The following TIAM1 variants were observed in gnomAD, a reference collection of about 807,000 sequenced individuals.
TIAM1 encodes the protein TIAM Rac1 associated GEF 1, also known as rho guanine nucleotide exchange factor TIAM1.
Under a neutral mutation model 163.5 loss-of-function variants are expected in TIAM1, and 65 were observed. The observed-to-expected ratio is 0.40, with a 90% CI of 0.33 to 0.49. TIAM1 has a LOEUF of 0.49. TIAM1 is among the 20% of genes least tolerant of loss of function. TIAM1 has a pLI of 0.77. For missense variants in TIAM1, 1,789 were observed against 2,044.7 expected, an observed-to-expected ratio of 0.87 and a Z score of 2.41; for synonymous variants, 833 against 810.1, an observed-to-expected ratio of 1.03 and a Z score of -0.48.
Position 31,266,346 on chromosome 21 carries a change from C to T in TIAM1, c.627G>A (p.Glu209=), listed in dbSNP as rs1481430660. ...CCCGCGTTTCCATCCCCCGAGCCTC[C>T]TCGCAGTCCTTCTCTTCGGCGGAAC... is the stretch of plus-strand genomic sequence containing the variant. The part of the protein sequence containing the change: ...ILGSAEEKDC[E]EARGMETRAS... Residue 209 remains glutamate, a synonymous_variant, in exon 4 of 28, where the codon GAG becomes GAA. Transcript: ENST00000541036. 30 of 1,614,242 alleles carry T rather than the reference C, an allele frequency of 1.9e-5. No homozygotes were observed. Among genetic ancestry groups the T allele is most frequent in the Non-Finnish European group, 2.5e-5 (30 of 1,180,046 alleles).
chr21:31,371,160 G>A (rs1284830807), intron 2 of TIAM1, among the ~76,000 whole-genome samples: 1 of 152,180 alleles, frequency 6.6e-6, no homozygotes, highest in Non-Finnish European at 1.5e-5. Context: ...ATTACACAAA[G>A]CGGTGATTCA....
At chr21:31,195,505 T>G (rs920838972) in intron 12 of TIAM1, among the ~76,000 whole-genome samples, 200 bp from the exon 13 acceptor site, 1 of 152,154 alleles carries the variant, frequency 6.6e-6, no homozygotes, top group African/African-American at 2.4e-5. Context: ...ATAGCCACAG[T>G]TTGGTTTCTA....
intron 16 of TIAM1, chr21:31,160,462 A>C (rs1041021494): frequency 8.0e-5 from 32 of 398,650 alleles, no homozygotes; most frequent in Non-Finnish European, 1.2e-4. Context: ...AGTGTTCGAT[A>C]CATAGAGTCA....
chr21:31,504,531 G>A (rs1026099738), intron 1 of TIAM1, among the ~76,000 whole-genome samples: 1 of 152,166 alleles, frequency 6.6e-6, no homozygotes, highest in Non-Finnish European at 1.5e-5. Flanking sequence ...GATCTAGGTC[G>A]CTCCTCTGTT....
chr21:31,310,531 A>G (rs1164018003), intron 2 of TIAM1, among the ~76,000 whole-genome samples: 2 of 152,216 alleles, frequency 1.3e-5, no homozygotes, highest in Non-Finnish European at 2.9e-5. Context: ...AGGTAGTCAC[A>G]AAGCTACCAA....
chr21:31,540,722 TTTTG>T (rs1344783016), intron 1 of TIAM1, among the ~76,000 whole-genome samples: 3 of 152,252 alleles, frequency 2.0e-5, no homozygotes, highest in South Asian at 4.1e-4. Flanking sequence ...CATAGTTTTC[TTTTG>T]TTTGTTTTTT....
intron 2 of TIAM1, among the ~76,000 whole-genome samples, chr21:31,283,200 C>A (rs1168451909): frequency 6.6e-6 from 1 of 152,222 alleles, no homozygotes; most frequent in Non-Finnish European, 1.5e-5. Flanking sequence ...GCTCTTTAGA[C>A]TTCCCCTAAG....
intron 1 of TIAM1, among the ~76,000 whole-genome samples, chr21:31,550,229 A>T (rs1331162454): frequency 6.6e-6 from 1 of 152,258 alleles, no homozygotes; most frequent in Non-Finnish European, 1.5e-5. Context: ...GGTGGAAATA[A>T]CCCAATGTCT....
At chr21:31,416,278 C>G (rs2043369126) in intron 2 of TIAM1, among the ~76,000 whole-genome samples, 1 of 152,196 alleles carries the variant, frequency 6.6e-6, no homozygotes, top group South Asian at 2.1e-4. Flanking sequence ...GTCTTCGAAG[C>G]ACCCTGCAAG....
intron 17 of TIAM1, among the ~76,000 whole-genome samples, chr21:31,153,432 T>G (rs1261997516): frequency 1.3e-5 from 2 of 152,212 alleles, no homozygotes; most frequent in African/African-American, 4.8e-5. Flanking sequence ...TGAGCGTGGC[T>G]GTGTTCTCAT....
intron 2 of TIAM1, among the ~76,000 whole-genome samples, chr21:31,370,891 G>C (rs1352892786): frequency 6.6e-6 from 1 of 152,170 alleles, no homozygotes; most frequent in Non-Finnish European, 1.5e-5. Context: ...ACAAGCCCCG[G>C]TATGCAGCCT....
chr21:31,548,059 A>T (rs77135469), intron 1 of TIAM1, among the ~76,000 whole-genome samples: 8,877 of 152,062 alleles, frequency 0.058, 480 homozygotes, highest in Admixed American at 0.16. Context: ...TCAGTTCCAA[A>T]TATCTAGAAA....
chr21:31,319,786 A>G, intron 2 of TIAM1, among the ~76,000 whole-genome samples: 1 of 136,056 alleles, frequency 7.3e-6, no homozygotes, highest in African/African-American at 2.5e-5. Flanking sequence ...TCTCAAAAAA[A>G]AAAAAAAAAA....
At chr21:31,373,024 C>T (rs1462736932) in intron 2 of TIAM1, among the ~76,000 whole-genome samples, 1 of 143,968 alleles carries the variant, frequency 6.9e-6, no homozygotes, top group African/African-American at 2.6e-5. Context: ...CATTGCACTC[C>T]AGCCTGGGCA....
chr21:31,524,819 A>G (rs1178719134), intron 1 of TIAM1, among the ~76,000 whole-genome samples: 1 of 152,200 alleles, frequency 6.6e-6, no homozygotes, highest in African/African-American at 2.4e-5. Flanking sequence ...CATGTGATTC[A>G]TCTGCTCTTC....
intron 3 of TIAM1, among the ~76,000 whole-genome samples, chr21:31,272,595 A>T (rs964435609): frequency 6.6e-6 from 1 of 152,138 alleles, no homozygotes; most frequent in Admixed American, 6.5e-5. Flanking sequence ...AAACTAGGTG[A>T]TGGTTACATT....
chr21:31,215,128 T>G lies in TIAM1; in HGVS notation c.2143-1656A>C, dbSNP rs534092124. 2.8e-4 allele frequency among the ~76,000 whole-genome samples: 43 copies of G among 152,214 alleles called. No individual in the cohort carries two copies. The South Asian group carries it at 8.5e-3, about 30-fold the overall frequency. On this transcript the variant is annotated intron_variant, in intron 9 of 27. Coordinates refer to ENST00000541036, the MANE Select transcript of TIAM1 (RefSeq NM_001353694.2). ...GAATTCATTTAAATTCAGTCATATA[T>G]TTCAGTAGAAAAGGGCGGTAACATA...
At chr21:31,510,339 C>T (rs992101608) in intron 1 of TIAM1, among the ~76,000 whole-genome samples, 1 of 152,186 alleles carries the variant, frequency 6.6e-6, no homozygotes, top group African/African-American at 2.4e-5. Flanking sequence ...CAAATTTCCT[C>T]TACTCATAAG....
intron 2 of TIAM1, among the ~76,000 whole-genome samples, chr21:31,321,014 C>T (rs1166945392): frequency 6.6e-6 from 1 of 151,466 alleles, no homozygotes; most frequent in Non-Finnish European, 1.5e-5. Flanking sequence ...GATCTGGGTA[C>T]AGTGGTGTGC....
Sources: allele counts gnomAD v4.1 joint callset (sites outside exome capture counted in the v4.1 genomes callset), GRCh38; gene constraint gnomAD v4.1.1; transcripts MANE v1.5; gene names NCBI Gene and HGNC (gene_info 2026-07-23, HGNC 2026-07-21).